The following ZNF799 variants were observed in gnomAD, a reference collection of about 807,000 sequenced individuals.
The protein encoded by ZNF799 is zinc finger protein 799.
Under a neutral mutation model 41.0 loss-of-function variants are expected in ZNF799, and 28 were observed. That is an observed-to-expected ratio of 0.68 (90% CI 0.51 to 0.94). The LOEUF (loss-of-function observed/expected upper bound fraction) is 0.94. Among genes scored for constraint, ZNF799 ranks in the 40% least tolerant of loss-of-function variants. The pLI is 0.00. For synonymous variants in ZNF799, 213 were observed against 252.9 expected (o/e 0.84, Z 1.50); for missense variants, 716 against 764.3 (o/e 0.94, Z 0.74).
chr19:12,401,181 GCCGAGCA>G lies in ZNF799; in HGVS notation c.-118_-112del. 1 of 1,590,818 alleles carries G rather than the reference GCCGAGCA, an allele frequency of 6.3e-7. No homozygotes were observed. Among genetic ancestry groups the G allele is most frequent in the Non-Finnish European group, 8.5e-7 (1 of 1,169,946 alleles). ...TTCCAGGTCGTCTCTTAGCTACAGA[GCCGAGCA>G]CCGAGCGCCCAGCGCAGGTGGGTGG... On this transcript the variant is annotated 5_prime_UTR_variant, in exon 1 of 4. Transcript: ENST00000430385.
At chr19:12,397,656 CAGT>C (rs1969917368) in intron 1 of ZNF799, among the ~76,000 whole-genome samples, 1 of 150,232 alleles carries the variant, frequency 6.7e-6, no homozygotes, top group Non-Finnish European at 1.5e-5. Flanking sequence ...ATAGACTCCT[CAGT>C]TAAAATAAAA....
rs770762462 is a variant in ZNF799 at position 12,392,198 on chromosome 19, A to G, written c.200T>C (p.Met67Thr). Residue 67 changes from methionine to threonine, a missense_variant, in exon 4 of 4, where the codon ATG becomes ACG. Physicochemically the swap from Met to Thr is moderately conservative, Grantham distance 81. Transcript: ENST00000430385. ...RYPRKNLRCRMLERFVESKDG... is the reference protein window; with the variant it reads ...RYPRKNLRCRTLERFVESKDG... ...TTTACTTTCAACAAATCTCTCTAAC[A>G]TACGACATCTGTAAAAAATGGGAAA... 1.3e-6 allele frequency: 2 copies of G among 1,559,816 alleles called. No homozygotes were observed. Among genetic ancestry groups the G allele is most frequent in the Admixed American group, 2.0e-5 (1 of 50,108 alleles).
intron 1 of ZNF799, among the ~76,000 whole-genome samples, chr19:12,398,445 G>A (rs1969931621): frequency 1.3e-5 from 2 of 152,054 alleles, no homozygotes; most frequent in Admixed American, 1.3e-4. Flanking sequence ...TCTATGGGTG[G>A]GAAGGAAATT....
At chr19:12,406,171 A>G (rs1386288918), upstream of ZNF799, among the ~76,000 whole-genome samples, 1 of 149,042 alleles carries the variant, frequency 6.7e-6, no homozygotes, top group Non-Finnish European at 1.5e-5. Flanking sequence ...TCTGTCTCAA[A>G]AAAAAAAAAA....
upstream of ZNF799, among the ~76,000 whole-genome samples, chr19:12,401,569 C>CGAGAAAGAGAGAGAGAGAGAGAGA (rs1969987521): frequency 1.3e-5 from 1 of 78,434 alleles, no homozygotes; most frequent in African/African-American, 5.4e-5. Context: ...TTTTTTTTTC[C>CGAGAAAGAGAGAGAGAGAGAGAGA]GAGAGAGAGA....
the ZNF799 span, among the ~76,000 whole-genome samples, chr19:12,406,817 G>A: frequency 2.0e-5 from 3 of 151,958 alleles, no homozygotes; most frequent in Non-Finnish European, 2.9e-5. Context: ...GGAGAATGGC[G>A]TGAACCCCGG....
the ZNF799 span, among the ~76,000 whole-genome samples, chr19:12,414,171 C>T: frequency 9.2e-5 from 14 of 152,118 alleles, no homozygotes; most frequent in Admixed American, 5.2e-4. Flanking sequence ...CTCACGACCC[C>T]ACCCCACGTC....
chr19:12,391,337 C>T lies in ZNF799; in HGVS notation c.1061G>A (p.Ser354Asn), dbSNP rs538594125. ...CTCTCCAGTGTGAGTTCTTTCATGA[C>T]TTTTCAGTGAACTAGGACAATCAAA... is the stretch of plus-strand genomic sequence containing the variant. ...KGFDCPSSLK[S>N]HERTHTGEKL... Residue 354 changes from serine (S) to asparagine (N), a missense_variant, in exon 4 of 4, where the codon AGT (serine) becomes AAT (asparagine). By Grantham distance (46) the Ser-to-Asn change is conservative. Around this residue, in one of 2 missense-constraint regions of ZNF799, gnomAD observed 698 missense variants for 713.6 expected, o/e 0.98. Coordinates refer to ENST00000430385, the MANE Select transcript of ZNF799 (RefSeq NM_001080821.3). The T allele has an allele frequency of 2.5e-6, 4 of 1,613,978 alleles. No individual in the cohort carries two copies. The highest frequency in any genetic ancestry group is 2.5e-6 in the Non-Finnish European group (3 of 1,179,992).
the ZNF799 span, among the ~76,000 whole-genome samples, chr19:12,413,772 A>T: frequency 2.0e-5 from 3 of 151,480 alleles, no homozygotes; most frequent in African/African-American, 4.8e-5. Context: ...CCCTATAAAG[A>T]GTTAGGTTGA....
intron 1 of ZNF799, chr19:12,394,460 G>C (rs1234725627): frequency 2.0e-6 from 1 of 497,606 alleles, no homozygotes; most frequent in Non-Finnish European, 2.6e-6. Flanking sequence ...TTTCTGGGTA[G>C]ATAACATTTC....
chr19:12,395,286 C>A (rs1015682596), intron 1 of ZNF799, among the ~76,000 whole-genome samples: 4 of 151,962 alleles, frequency 2.6e-5, no homozygotes, highest in Admixed American at 2.0e-4. Context: ...GGAGTACAGG[C>A]ATGCTCCACC....
the ZNF799 span, among the ~76,000 whole-genome samples, chr19:12,411,284 A>G: frequency 6.6e-6 from 1 of 152,176 alleles, no homozygotes; most frequent in African/African-American, 2.4e-5. Context: ...GCTTGAGGTG[A>G]CCACACATCA....
chr19:12,408,358 G>GA, the ZNF799 span, among the ~76,000 whole-genome samples: 1 of 151,902 alleles, frequency 6.6e-6, no homozygotes. Context: ...AAAAGAAGTT[G>GA]AAAAAACAGA....
At position 12,393,844 on chromosome 19, in the gene ZNF799, C is replaced by G. The variant is rs570083196; in HGVS notation, c.4-421G>C. 9.5e-5 allele frequency: 77 copies of G among 809,774 alleles called. No individual in the cohort carries two copies. In the Admixed American group the frequency reaches 3.8e-3, roughly 40 times the overall value. 50.2% of individuals were successfully genotyped at this position (809,774 alleles called of 1,614,324 possible). On this transcript the variant is annotated intron_variant, in intron 1 of 3. Transcript: ENST00000430385. ...AGTTGGGCTTTTCATGGTATCTAGA[C>G]AGTGTATTTAGGGGAGGGCCCCAGG...
At position 12,391,991 on chromosome 19, in the gene ZNF799, C is replaced by T; in HGVS notation, c.407G>A (p.Cys136Tyr). The T allele has an allele frequency of 6.2e-7, 1 of 1,614,206 alleles. No individual in the cohort carries two copies. Among genetic ancestry groups the T allele is most frequent in the Non-Finnish European group, 8.5e-7 (1 of 1,180,034 alleles). The change falls in exon 4 of 4, where the codon TGT (cysteine) becomes TAT (tyrosine). Residue 136 changes from cysteine to tyrosine, a missense_variant. Coordinates refer to ENST00000430385, the MANE Select transcript of ZNF799 (RefSeq NM_001080821.3). ...AGHKPYEYHECGEKPDTHKQR... is the reference protein window; with the variant it reads ...AGHKPYEYHEYGEKPDTHKQR... ...TTTATGCGTATCTGGCTTCTCTCCA[C>T]ATTCATGATACTCATATGGTTTGTG... is the stretch of plus-strand genomic sequence containing the variant.
At chr19:12,401,619 TCAGGCTA>T (rs1291056982), upstream of ZNF799, among the ~76,000 whole-genome samples, 1 of 122,470 alleles carries the variant, frequency 8.2e-6, no homozygotes, top group Non-Finnish European at 1.6e-5. Context: ...GCTCCGTGGC[TCAGGCTA>T]GAGTGCAATG....
chr19:12,395,556 G>C lies in ZNF799; in HGVS notation c.4-2133C>G, dbSNP rs137888067. On this transcript the variant is annotated intron_variant, in intron 1 of 3. Transcript: ENST00000430385. The stretch of plus-strand genomic sequence containing the variant: ...AAGCCTGTAGCCAACTGGAAGAACA[G>C]ACTATGATTAAGACATACAGTAGAC... Among the ~76,000 whole-genome samples, 424 of 152,338 alleles carry C rather than the reference G, an allele frequency of 2.8e-3. 2 individuals are homozygous for C. The highest frequency in any genetic ancestry group is 9.8e-3 in the African/African-American group (406 of 41,578).
Position 12,390,902 on chromosome 19 carries a change from G to C in ZNF799, c.1496C>G (p.Thr499Arg). The C allele has an allele frequency of 6.2e-7, 1 of 1,613,774 alleles. No homozygotes were observed. The highest frequency in any genetic ancestry group is 8.5e-7 in the Non-Finnish European group (1 of 1,179,916). ...QYLSQHRRTH[T>R]GEKPYECNTC... The stretch of plus-strand genomic sequence containing the variant: ...GTTACACTCATAAGGTTTCTCTCCT[G>C]TGTGAGTCCTTCTATGTTGAGAAAG... The change falls in exon 4 of 4, where the codon ACA becomes AGA. Residue 499 changes from threonine (T) to arginine (R), a missense_variant. Physicochemically the swap from Thr to Arg is moderately conservative, Grantham distance 71 (BLOSUM62 -1). Around this residue, in one of 2 missense-constraint regions of ZNF799, gnomAD observed 698 missense variants for 713.6 expected, o/e 0.98. Coordinates refer to ENST00000430385, the MANE Select transcript of ZNF799 (RefSeq NM_001080821.3).
intron 1 of ZNF799, among the ~76,000 whole-genome samples, chr19:12,397,587 A>C (rs560432928): frequency 6.6e-6 from 1 of 151,652 alleles, no homozygotes; most frequent in East Asian, 1.9e-4. Flanking sequence ...AAAAAGAAAG[A>C]AAGAAAGAAA....
Sources: gnomAD v4.1 joint callset for allele counts (sites outside exome capture counted in the v4.1 genomes callset) on GRCh38, gnomAD v4.1.1 for gene constraint, gnomAD v4.1.1 regional missense constraint, MANE v1.5 for transcripts, NCBI Gene and HGNC (gene_info 2026-07-23, HGNC 2026-07-21) for gene names.